The following BPIFB6 variants were observed in gnomAD, a reference collection of about 807,000 sequenced individuals.
The protein encoded by BPIFB6 is BPI fold-containing family B member 6.
BPIFB6 carries 47 observed loss-of-function variants against 54.7 expected under a neutral mutation model. The observed-to-expected ratio is 0.86, with a 90% confidence interval of 0.68 to 1.10. BPIFB6 has a LOEUF of 1.10. BPIFB6 is among the 50% of genes least tolerant of loss of function. The pLI is 0.00. For synonymous variants in BPIFB6, 255 were observed against 225.9 expected (o/e 1.13, Z -1.16); for missense variants, 603 against 564.1 (o/e 1.07, Z -0.70).
intron 8 of BPIFB6, among the ~76,000 whole-genome samples, chr20:33,038,258 C>T (rs1979429761): frequency 1.3e-5 from 2 of 152,158 alleles, no homozygotes; most frequent in Non-Finnish European, 2.9e-5. Context: ...GCCATCCATC[C>T]ATCCAACCAT....
At chr20:33,033,438 T>A (rs1979190811) in intron 2 of BPIFB6, 2 of 458,868 alleles carry the variant, frequency 4.4e-6, no homozygotes, top group Non-Finnish European at 8.8e-6. Context: ...GCATCAACAA[T>A]CATCTAATGA....
chr20:33,035,782 TAG>T, intron 6 of BPIFB6, 110 bp downstream of exon 6: 2 of 1,160,406 alleles, frequency 1.7e-6, no homozygotes, highest in South Asian at 2.5e-5. Flanking sequence ...GCCTTGGGAC[TAG>T]AGGAGGCTTG....
chr20:33,043,351 A>G lies in BPIFB6; in HGVS notation c.1313A>G (p.Glu438Gly), dbSNP rs1409635363. 3 of 1,614,054 alleles carry G rather than the reference A, an allele frequency of 1.9e-6. No homozygotes were observed. Among genetic ancestry groups the G allele is most frequent in the Non-Finnish European group, 1.7e-6 (2 of 1,180,024 alleles). Residue 438 changes from glutamate (E) to glycine (G), a missense_variant, in exon 14 of 15, where the codon GAG becomes GGG. By Grantham distance (98) the Glu-to-Gly change is moderately conservative. Transcript: ENST00000349552. ...DFLAMNYNLA[E>G]LDIVENALML... ...CTGGCCATGAATTACAACCTGGCTGAGCTGGACATAGTAGAGGTGAGAGGA... is the reference window on the plus strand; with the variant it reads ...CTGGCCATGAATTACAACCTGGCTGGGCTGGACATAGTAGAGGTGAGAGGA...
chr20:33,039,094 T>G, intron 9 of BPIFB6, 132 bp downstream of exon 9: 1 of 1,177,030 alleles, frequency 8.5e-7, no homozygotes, highest in Non-Finnish European at 1.2e-6. Context: ...ACATCTTTTC[T>G]TCTTTATAAA....
chr20:33,039,516 A>C lies in BPIFB6; in HGVS notation c.1070A>C (p.Glu357Ala). The C allele has an allele frequency of 5.0e-6, 8 of 1,604,632 alleles. No individual in the cohort carries two copies. The highest frequency in any genetic ancestry group is 6.0e-6 in the Non-Finnish European group (7 of 1,176,020). Residue 357 changes from glutamate to alanine, a missense_variant, in exon 10 of 15, where the codon GAA becomes GCA. By Grantham distance (107) the Glu-to-Ala change is moderately radical. Coordinates refer to ENST00000349552, the MANE Select transcript of BPIFB6 (RefSeq NM_174897.2). ...GCTCCAATGTCCCTCTTTCTCCTAG[A>C]AGTGGTGAGGGAAATCGTTCCCTTC... ...SKAPMSLFLL[E>A]VHFNLKVQYS...
At chr20:33,033,587 C>T (rs1979196295) in intron 2 of BPIFB6, 1 of 456,732 alleles carries the variant, frequency 2.2e-6, no homozygotes, top group African/African-American at 2.0e-5. Context: ...GCAATGTCTG[C>T]CAAGAGCTCA....
chr20:33,036,379 G>C, intron 6 of BPIFB6, 66 bp from the exon 7 acceptor site: 1 of 1,378,998 alleles, frequency 7.3e-7, no homozygotes, highest in South Asian at 1.4e-5. Flanking sequence ...CAGCTGGCTG[G>C]TGCCAGCTTC....
intron 13 of BPIFB6, 103 bp downstream of exon 13, chr20:33,042,981 G>C: frequency 9.6e-7 from 1 of 1,046,370 alleles, no homozygotes. Flanking sequence ...GGCCCAGATG[G>C]GGGAAGCTAA....
rs774063482 is a variant in BPIFB6, at chr20:33,031,744, C to T, written c.97C>T (p.Gln33Ter). ...LLRLGMDIMNQVQSAMDESHI... is the reference protein window; with the variant it reads ...LLRLGMDIMN ...GCGGTTGGGCATGGACATCATGAAC[C>T]GTGGTGAGCTTGTGGGCCCGGGCGT... Residue 33 changes from glutamine (Q) to a stop codon, truncating the protein, a stop_gained and splice_region_variant, in exon 1 of 15, where the codon CAG becomes TAG. Coordinates refer to ENST00000349552, the MANE Select transcript of BPIFB6 (RefSeq NM_174897.2). LOFTEE classifies it high-confidence loss of function. The T allele has an allele frequency of 1.6e-5, 26 of 1,613,762 alleles. No individual in the cohort carries two copies. The highest frequency in any genetic ancestry group is 4.5e-5 in the East Asian group (2 of 44,882).
intron 12 of BPIFB6, among the ~76,000 whole-genome samples, chr20:33,042,245 A>T (rs1200466153): frequency 6.6e-6 from 1 of 152,150 alleles, no homozygotes; most frequent in Non-Finnish European, 1.5e-5. Flanking sequence ...GATTGGTTTT[A>T]AAAACATTGT....
At chr20:33,041,304 C>T (rs76212075) in intron 11 of BPIFB6, among the ~76,000 whole-genome samples, 6,033 of 152,124 alleles carry the variant, frequency 0.04, 408 homozygotes, top group African/African-American at 0.14. Flanking sequence ...TTAGGGGTAG[C>T]TCTGCCTTCA....
At chr20:33,035,785 A>G (rs1007457860) in intron 6 of BPIFB6, 113 bp downstream of exon 6, 2 of 1,077,138 alleles carry the variant, frequency 1.9e-6, no homozygotes, top group Non-Finnish European at 1.4e-6. Context: ...TTGGGACTAG[A>G]GGAGGCTTGA....
chr20:33,041,832 T>A (rs983066060), intron 11 of BPIFB6, 138 bp from the exon 12 acceptor site: 1 of 688,078 alleles, frequency 1.5e-6, no homozygotes, highest in Non-Finnish European at 2.5e-6. Flanking sequence ...CAGGAGCACC[T>A]GGTCTGAAGG....
chr20:33,039,905 G>C (rs1423867972), intron 10 of BPIFB6, among the ~76,000 whole-genome samples: 2 of 152,208 alleles, frequency 1.3e-5, no homozygotes, highest in Non-Finnish European at 2.9e-5. Flanking sequence ...GAGAAGGGTT[G>C]GGGACAGAGA....
At chr20:33,042,947 G>T in intron 13 of BPIFB6, 69 bp downstream of exon 13, 2 of 1,480,848 alleles carry the variant, frequency 1.4e-6, no homozygotes, top group Non-Finnish European at 1.9e-6. Context: ...ATGCCACCTG[G>T]GTGGTCTCAA....
At chr20:33,033,538 C>CT (rs1491175121) in intron 2 of BPIFB6, 1 of 456,234 alleles carries the variant, frequency 2.2e-6, no homozygotes, top group African/African-American at 2.0e-5. Context: ...CTCTGAGGCA[C>CT]TGTCTGCACT....
intron 12 of BPIFB6, 128 bp downstream of exon 12, chr20:33,042,143 G>A (rs1457300015): frequency 2.2e-6 from 2 of 900,870 alleles, no homozygotes; most frequent in Non-Finnish European, 3.5e-6. Flanking sequence ...GTGAGGCGTG[G>A]CGCACCTGAC....
At chr20:33,036,880 C>A (rs1189130968) in intron 7 of BPIFB6, among the ~76,000 whole-genome samples, 2 of 152,170 alleles carry the variant, frequency 1.3e-5, no homozygotes, top group Non-Finnish European at 2.9e-5. Context: ...CTACCCAAGG[C>A]CACACAGCAA....
In BPIFB6 at chr20:33,036,506, C is replaced by T. The variant is rs113787573; in HGVS notation, c.639C>T (p.Thr213=). 1.2e-6 allele frequency: 2 copies of T among 1,614,198 alleles called. No homozygotes were observed. The highest frequency in any genetic ancestry group is 1.7e-6 in the Non-Finnish European group (2 of 1,180,026). The change falls in exon 7 of 15, where the codon ACC becomes ACT. Residue 213 remains threonine (T), a synonymous_variant. Coordinates refer to ENST00000349552, the MANE Select transcript of BPIFB6 (RefSeq NM_174897.2). The part of the protein sequence containing the change: ...VKYVLMSAPA[T]TASYIQLDFS... Reference sequence around the variant, plus strand: ...ATGTTCTGATGTCCGCACCAGCCACCACAGCCAGCTACATCCAACTGGACT... The same window carrying T: ...ATGTTCTGATGTCCGCACCAGCCACTACAGCCAGCTACATCCAACTGGACT...
Sources: gnomAD v4.1 joint callset for allele counts (sites outside exome capture counted in the v4.1 genomes callset) on GRCh38, gnomAD v4.1.1 for gene constraint, MANE v1.5 for transcripts, NCBI Gene and HGNC (gene_info 2026-07-23, HGNC 2026-07-21) for gene names.